The following MAGI2 variants were observed in gnomAD, a reference collection of about 807,000 sequenced individuals.
MAGI2 encodes the protein membrane-associated guanylate kinase, WW and PDZ domain-containing protein 2.
A neutral mutation model predicts 133.3 loss-of-function variants in MAGI2; 35 were observed. That is an observed-to-expected ratio of 0.26 (90% CI 0.20 to 0.35). The LOEUF (loss-of-function observed/expected upper bound fraction) is 0.35. MAGI2 is among the 10% of genes least tolerant of loss of function. The probability of loss-of-function intolerance (pLI) is 1.00; values close to 1 mark genes in which losing one functional copy is unlikely to be tolerated. For synonymous variants in MAGI2, 729 were observed against 710.6 expected, an observed-to-expected ratio of 1.03 and a Z score of -0.41; for missense variants, 1,636 against 1,863.4, an observed-to-expected ratio of 0.88 and a Z score of 2.25.
chr7:79,317,469 G>A (rs1205594794), intron 1 of MAGI2, among the ~76,000 whole-genome samples: 1 of 152,036 alleles, frequency 6.6e-6, no homozygotes, highest in Non-Finnish European at 1.5e-5. Context: ...GGTGCATTTC[G>A]TAAAAATCTT....
intron 1 of MAGI2, among the ~76,000 whole-genome samples, chr7:79,025,256 A>G (rs1318279587): frequency 6.6e-6 from 1 of 152,208 alleles, no homozygotes; most frequent in Non-Finnish European, 1.5e-5. Flanking sequence ...CAGGAACAGA[A>G]AACCAAATAC....
chr7:78,169,942 A>G (rs1251159099), intron 14 of MAGI2, among the ~76,000 whole-genome samples: 1 of 152,206 alleles, frequency 6.6e-6, no homozygotes, highest in Non-Finnish European at 1.5e-5. Flanking sequence ...AAAAGGCTCA[A>G]CCCACTATGG....
rs150685709 is a variant in MAGI2, at chr7:78,551,769, G to T, written c.539-30124C>A. On this transcript the variant is annotated intron_variant, in intron 3 of 21. Coordinates refer to ENST00000354212, the MANE Select transcript of MAGI2 (RefSeq NM_012301.4). ...TTGTTTGTTTGTTTGTTTTCAGAGG[G>T]TGTCTTGCTTTGTTACCCAGGCTGG... is the stretch of plus-strand genomic sequence containing the variant. Among the ~76,000 whole-genome samples the T allele has an allele frequency of 3.2e-3, 491 of 152,246 alleles. 5 individuals carry two copies. Among genetic ancestry groups the T allele is most frequent in the Non-Finnish European group, 5.8e-3 (393 of 68,008 alleles).
At chr7:78,517,193 G>A (rs576695900) in intron 4 of MAGI2, among the ~76,000 whole-genome samples, 94 of 152,096 alleles carry the variant, frequency 6.2e-4, no homozygotes, top group African/African-American at 2.1e-3. Flanking sequence ...GGTTTCCGGG[G>A]GATATAAATT....
chr7:78,574,229 G>T (rs1485289524), intron 3 of MAGI2, among the ~76,000 whole-genome samples: 1 of 152,192 alleles, frequency 6.6e-6, no homozygotes, highest in Admixed American at 6.5e-5. Context: ...GTGAAAAGGT[G>T]ACAGGGTGGA....
At chr7:78,958,623 A>C (rs1322846617) in intron 2 of MAGI2, among the ~76,000 whole-genome samples, 1 of 152,194 alleles carries the variant, frequency 6.6e-6, no homozygotes, top group Non-Finnish European at 1.5e-5. Flanking sequence ...ATTGTGCTTA[A>C]CATTTCATCT....
intron 1 of MAGI2, among the ~76,000 whole-genome samples, chr7:79,157,426 G>C (rs1823887072): frequency 6.6e-6 from 1 of 151,954 alleles, no homozygotes; most frequent in African/African-American, 2.4e-5. Context: ...ACAGACCACT[G>C]GAGAGAGAAA....
At chr7:78,400,418 CTTAA>C (rs748326742) in intron 6 of MAGI2, among the ~76,000 whole-genome samples, 22 of 152,224 alleles carry the variant, frequency 1.4e-4, no homozygotes, top group Admixed American at 9.8e-4. Context: ...TATTGTCAAT[CTTAA>C]TTAACTAAAA....
intron 2 of MAGI2, among the ~76,000 whole-genome samples, chr7:78,674,015 A>C (rs1464790310): frequency 6.6e-6 from 1 of 152,186 alleles, no homozygotes. Flanking sequence ...AGTCTATGGA[A>C]GACACTAACA....
At chr7:78,958,440 A>G (rs943863272) in intron 2 of MAGI2, among the ~76,000 whole-genome samples, 1 of 152,144 alleles carries the variant, frequency 6.6e-6, no homozygotes, top group Non-Finnish European at 1.5e-5. Context: ...GGGACCCTCA[A>G]CATCATGGTG....
At chr7:78,785,602 T>A (rs1428942683) in intron 2 of MAGI2, among the ~76,000 whole-genome samples, 1 of 152,208 alleles carries the variant, frequency 6.6e-6, no homozygotes, top group Non-Finnish European at 1.5e-5. Flanking sequence ...CTATGTCATT[T>A]ACTCACATAA....
intron 1 of MAGI2, among the ~76,000 whole-genome samples, chr7:79,264,738 G>T (rs1261369293): frequency 6.6e-6 from 1 of 152,004 alleles, no homozygotes; most frequent in South Asian, 2.1e-4. Flanking sequence ...TGTCAGGAAA[G>T]GTTCAGACAT....
chr7:79,372,022 C>T (rs956792399), intron 1 of MAGI2, among the ~76,000 whole-genome samples: 1 of 152,080 alleles, frequency 6.6e-6, no homozygotes, highest in Non-Finnish European at 1.5e-5. Flanking sequence ...AGCAACCCTA[C>T]GAGGTAGCTA....
In MAGI2 at chr7:79,066,463, T is replaced by G. The variant is rs192382949; in HGVS notation, c.302-59257A>C. Among the ~76,000 whole-genome samples, 43 of 152,252 alleles carry G rather than the reference T, an allele frequency of 2.8e-4. No individual in the cohort carries two copies. The East Asian group carries it at 7.9e-3, about 28-fold the overall frequency. On this transcript the variant is annotated intron_variant, in intron 1 of 21. Coordinates refer to ENST00000354212, the MANE Select transcript of MAGI2 (RefSeq NM_012301.4). ...TTAAGTTCTTTGTAGATTCTGGATA[T>G]TAGCCCTTTTTCAGATGGATAGATT...
chr7:79,287,091 T>G (rs988443139), intron 1 of MAGI2, among the ~76,000 whole-genome samples: 5 of 152,130 alleles, frequency 3.3e-5, no homozygotes, highest in African/African-American at 9.7e-5. Context: ...TGTCCTTCAG[T>G]ACCTTACTCC....
At chr7:78,547,500 ATTCATTCATTC>A (rs931974968) in intron 3 of MAGI2, among the ~76,000 whole-genome samples, 2 of 149,894 alleles carry the variant, frequency 1.3e-5, no homozygotes, top group Non-Finnish European at 2.9e-5. Context: ...ATTTGTATTC[ATTCATTCATTC>A]TTCATTCATT....
chr7:78,308,116 T>C (rs1798394282), intron 9 of MAGI2, among the ~76,000 whole-genome samples: 1 of 152,196 alleles, frequency 6.6e-6, no homozygotes, highest in Admixed American at 6.5e-5. Flanking sequence ...TCCCCTACCC[T>C]GTTGATGGTG....
intron 1 of MAGI2, among the ~76,000 whole-genome samples, chr7:79,240,570 A>C (rs1426090077): frequency 6.6e-6 from 1 of 152,074 alleles, no homozygotes; most frequent in Non-Finnish European, 1.5e-5. Context: ...GTGATCTAGA[A>C]ATCTAATTTG....
At chr7:78,534,750 T>C (rs1410750259) in intron 3 of MAGI2, among the ~76,000 whole-genome samples, 1 of 152,076 alleles carries the variant, frequency 6.6e-6, no homozygotes, top group Non-Finnish European at 1.5e-5. Flanking sequence ...TGTAGTCTGG[T>C]CATTTCCTGC....
Sources: allele counts gnomAD v4.1 joint callset (sites outside exome capture counted in the v4.1 genomes callset), GRCh38; gene constraint gnomAD v4.1.1; transcripts MANE v1.5; gene names NCBI Gene and HGNC (gene_info 2026-07-23, HGNC 2026-07-21).